H4C2: variants seen among roughly 807,000 people sequenced by gnomAD.
H4C2 encodes H4 clustered histone 2.
H4C2 carries 8 observed loss-of-function variants against 5.0 expected under a neutral mutation model. The ratio of observed to expected loss-of-function variants is 1.61; its 90% CI spans 0.94 to 2.90. The LOEUF (loss-of-function observed/expected upper bound fraction) is 2.90, where lower values mean the gene tolerates loss of function less well. Among genes scored for constraint, H4C2 ranks in the 30% most tolerant of loss-of-function variants. The probability of loss-of-function intolerance (pLI) is 0.00; values close to 1 mark genes in which losing one functional copy is unlikely to be tolerated. For synonymous variants in H4C2, 145 were observed against 54.0 expected, an observed-to-expected ratio of 2.69 and a Z score of -7.39; for missense variants, 267 against 145.6, an observed-to-expected ratio of 1.83 and a Z score of -4.29.
chr6:26,026,980 G>C lies in H4C2; in HGVS notation c.273C>G (p.Leu91=), dbSNP rs747613531. The C allele has an allele frequency of 2.5e-6, 4 of 1,614,080 alleles. No homozygotes were observed. Among genetic ancestry groups the C allele is most frequent in the Non-Finnish European group, 3.4e-6 (4 of 1,179,912 alleles). The part of the protein sequence containing the change: ...TVTAMDVVYA[L]KRQGRTLYGF... ...CGTACAGAGTGCGTCCTTGACGCTT[G>C]AGCGCGTAAACCACATCCATGGCAG... Residue 91 remains leucine, a synonymous_variant, in exon 1 of 1, where the codon CTC becomes CTG. Coordinates refer to ENST00000377745, the MANE Select transcript of H4C2 (RefSeq NM_003544.3).
In H4C2 at chr6:26,027,001, G is replaced by T. The variant is rs200017457; in HGVS notation, c.252C>A (p.Ala84=). Residue 84 remains alanine, a synonymous_variant, in exon 1 of 1, where the codon GCC becomes GCA. Coordinates refer to ENST00000377745, the MANE Select transcript of H4C2 (RefSeq NM_003544.3). ...TEHAKRKTVT[A]MDVVYALKRQ... Reference sequence around the variant, plus strand: ...GCTTGAGCGCGTAAACCACATCCATGGCAGTGACAGTCTTGCGCTTGGCGT... The same window carrying T: ...GCTTGAGCGCGTAAACCACATCCATTGCAGTGACAGTCTTGCGCTTGGCGT... The T allele has an allele frequency of 6.2e-7, 1 of 1,614,182 alleles. No homozygotes were observed. Among genetic ancestry groups the T allele is most frequent in the South Asian group, 1.1e-5 (1 of 91,088 alleles).
In H4C2 at chr6:26,027,103, C is replaced by G. The variant is rs369387838; in HGVS notation, c.150G>C (p.Leu50Phe). Residue 50 changes from leucine (L) to phenylalanine (F), a missense_variant, in exon 1 of 1, where the codon TTG becomes TTC. Coordinates refer to ENST00000377745, the MANE Select transcript of H4C2 (RefSeq NM_003544.3). ...RRGGVKRISG[L>F]IYEETRGVLK... The stretch of plus-strand genomic sequence containing the variant: ...GAACGCCACGAGTCTCCTCATAAAT[C>G]AAACCGGAAATTCGCTTAACCCCAC... 2.5e-6 allele frequency: 4 copies of G among 1,614,200 alleles called. No individual in the cohort carries two copies. The highest frequency in any genetic ancestry group is 1.6e-4 in the Middle Eastern group (1 of 6,062).
rs1581631161 is a variant in H4C2 at position 26,026,971 on chromosome 6, T to C, written c.282A>G (p.Gln94=). 1.2e-6 allele frequency: 2 copies of C among 1,613,912 alleles called. No individual in the cohort carries two copies. The highest frequency in any genetic ancestry group is 1.7e-6 in the Non-Finnish European group (2 of 1,179,796). ...CGCCGAAGCCGTACAGAGTGCGTCC[T>C]TGACGCTTGAGCGCGTAAACCACAT... The part of the protein sequence containing the change: ...AMDVVYALKR[Q]GRTLYGFGG The change falls in exon 1 of 1, where the codon CAA becomes CAG. Residue 94 remains glutamine (Q), a synonymous_variant. Transcript: ENST00000377745.
In H4C2 at chr6:26,027,007, G is replaced by A. The variant is rs370581694; in HGVS notation, c.246C>T (p.Val82=). 6.8e-6 allele frequency: 11 copies of A among 1,614,072 alleles called. No individual in the cohort carries two copies. Among genetic ancestry groups the A allele is most frequent in the African/African-American group, 1.3e-5 (1 of 74,940 alleles). Residue 82 remains valine (V), a synonymous_variant, in exon 1 of 1, where the codon GTC becomes GTT. Transcript: ENST00000377745. ...TYTEHAKRKT[V]TAMDVVYALK... is the part of the protein sequence containing the mutation. ...GCGCGTAAACCACATCCATGGCAGT[G>A]ACAGTCTTGCGCTTGGCGTGCTCCG...
At position 26,027,190 on chromosome 6, in the gene H4C2, T is replaced by TA. The variant is rs1491351754; in HGVS notation, c.62_63insT (p.Lys21AsnfsTer6). 4 of 1,613,970 alleles carry TA rather than the reference T, an allele frequency of 2.5e-6. No individual in the cohort carries two copies. The East Asian group carries it at 6.7e-5, about 27-fold the overall frequency. ...TGCCTTGGATGTTATCCCGCAGCACTTTTCGGTGACGCTTGGCACCTCCCT... is the reference window on the plus strand; with the variant it reads ...TGCCTTGGATGTTATCCCGCAGCACTATTTCGGTGACGCTTGGCACCTCCCT... On this transcript the variant is annotated frameshift_variant, in exon 1 of 1. Coordinates refer to ENST00000377745, the MANE Select transcript of H4C2 (RefSeq NM_003544.3). LOFTEE classifies it high-confidence loss of function.
rs142030763 is a variant in H4C2, at chr6:26,027,160, G to A, written c.93C>T (p.Thr31=). 52 of 1,614,108 alleles carry A rather than the reference G, an allele frequency of 3.2e-5. No homozygotes were observed. The highest frequency in any genetic ancestry group is 5.5e-5 in the South Asian group (5 of 91,090). ...TAGCAAGGCGCCGAATGGCCGGTTT[G>A]GTGATGCCTTGGATGTTATCCCGCA... The part of the protein sequence containing the change: ...KVLRDNIQGI[T]KPAIRRLARR... Residue 31 remains threonine (T), a synonymous_variant, in exon 1 of 1, where the codon ACC becomes ACT. Transcript: ENST00000377745.
Position 26,026,927 on chromosome 6 carries a change from A to C in H4C2, c.*14T>G. ...GCCCTGAAAAGGGCCATTGGAAGAA[A>C]ACTGACGAAAAGATTAACCGCCGAA... On this transcript the variant is annotated 3_prime_UTR_variant, in exon 1 of 1. Coordinates refer to ENST00000377745, the MANE Select transcript of H4C2 (RefSeq NM_003544.3). 2 of 1,596,138 alleles carry C rather than the reference A, an allele frequency of 1.3e-6. No homozygotes were observed. The highest frequency in any genetic ancestry group is 1.7e-6 in the Non-Finnish European group (2 of 1,169,564).
chr6:26,027,152 G>A lies in H4C2; in HGVS notation c.101C>T (p.Ala34Val), dbSNP rs200478043. 1.6e-5 allele frequency: 26 copies of A among 1,614,118 alleles called. No homozygotes were observed. Among genetic ancestry groups the A allele is most frequent in the Non-Finnish European group, 1.7e-5 (20 of 1,180,050 alleles). Residue 34 changes from alanine to valine, a missense_variant, in exon 1 of 1, where the codon GCC (alanine) becomes GTC (valine). Transcript: ENST00000377745. Reference protein sequence around the residue: ...RDNIQGITKPAIRRLARRGGV... With the variant: ...RDNIQGITKPVIRRLARRGGV... ...ACCACGCCTAGCAAGGCGCCGAATG[G>A]CCGGTTTGGTGATGCCTTGGATGTT...
At position 26,026,941 on chromosome 6, in the gene H4C2, T is replaced by C; in HGVS notation, c.312A>G (p.Ter104=). The C allele has an allele frequency of 7.5e-6, 12 of 1,605,494 alleles. No homozygotes were observed. Among genetic ancestry groups the C allele is most frequent in the Non-Finnish European group, 1.0e-5 (12 of 1,174,802 alleles). ...CATTGGAAGAAAACTGACGAAAAGA[T>C]TAACCGCCGAAGCCGTACAGAGTGC... ...QGRTLYGFGG[*] Residue 104 remains the stop codon, a stop_retained_variant, in exon 1 of 1, where the codon TAA becomes TAG. Coordinates refer to ENST00000377745, the MANE Select transcript of H4C2 (RefSeq NM_003544.3).
rs553183619 is a variant in H4C2 at position 26,027,087 on chromosome 6, G to A, written c.166C>T (p.Arg56Cys). ...TCCAGAAACACCTTGAGAACGCCAC[G>A]AGTCTCCTCATAAATCAAACCGGAA... ...RISGLIYEET[R>C]GVLKVFLENV... is the part of the protein sequence containing the mutation. Residue 56 changes from arginine to cysteine, a missense_variant, in exon 1 of 1, where the codon CGT (arginine) becomes TGT (cysteine). Arg to Cys is a radical substitution (Grantham distance 180). Transcript: ENST00000377745. 4.8e-5 allele frequency: 77 copies of A among 1,614,070 alleles called. No homozygotes were observed. Among genetic ancestry groups the A allele is most frequent in the Middle Eastern group, 1.6e-4 (1 of 6,084 alleles).
rs756457842 is a variant in H4C2, at chr6:26,027,014, T to C, written c.239A>G (p.Lys80Arg). The C allele has an allele frequency of 4.3e-6, 7 of 1,614,074 alleles. No homozygotes were observed. In the African/African-American group the frequency reaches 5.3e-5, roughly 12 times the overall value. The stretch of plus-strand genomic sequence containing the variant: ...AACCACATCCATGGCAGTGACAGTC[T>C]TGCGCTTGGCGTGCTCCGTGTAGGT... ...AVTYTEHAKR[K>R]TVTAMDVVYA... Residue 80 changes from lysine (K) to arginine (R), a missense_variant, in exon 1 of 1, where the codon AAG (lysine) becomes AGG (arginine). By Grantham distance (26) the Lys-to-Arg change is conservative (BLOSUM62 2). Transcript: ENST00000377745.
Position 26,027,059 on chromosome 6 carries a change from T to C in H4C2, c.194A>G (p.Asn65Ser), listed in dbSNP as rs745857495. ...GTAGGTCACGGCGTCCCGGATCACG[T>C]TCTCCAGAAACACCTTGAGAACGCC... ...TRGVLKVFLE[N>S]VIRDAVTYTE... The change falls in exon 1 of 1, where the codon AAC becomes AGC. Residue 65 changes from asparagine (N) to serine (S), a missense_variant. Physicochemically the swap from Asn to Ser is conservative, Grantham distance 46 (BLOSUM62 1). Coordinates refer to ENST00000377745, the MANE Select transcript of H4C2 (RefSeq NM_003544.3). The C allele has an allele frequency of 1.2e-6, 2 of 1,613,702 alleles. No individual in the cohort carries two copies. The highest frequency in any genetic ancestry group is 1.1e-5 in the South Asian group (1 of 91,042).
chr6:26,027,181 C>T lies in H4C2; in HGVS notation c.72G>A (p.Arg24=), dbSNP rs748119687. Residue 24 remains arginine (R), a synonymous_variant, in exon 1 of 1, where the codon CGG becomes CGA. Coordinates refer to ENST00000377745, the MANE Select transcript of H4C2 (RefSeq NM_003544.3). The part of the protein sequence containing the change: ...GGAKRHRKVL[R]DNIQGITKPA... The stretch of plus-strand genomic sequence containing the variant: ...GTTTGGTGATGCCTTGGATGTTATC[C>T]CGCAGCACTTTTCGGTGACGCTTGG... 22 of 1,614,078 alleles carry T rather than the reference C, an allele frequency of 1.4e-5. No homozygotes were observed. The highest frequency in any genetic ancestry group is 6.6e-5 in the South Asian group (6 of 91,088).
rs1761350419 is a variant in H4C2 at position 26,027,065 on chromosome 6, A to AT, written c.187_188insA (p.Leu63HisfsTer?). The AT allele has an allele frequency of 3.1e-6, 5 of 1,614,202 alleles. No homozygotes were observed. Among genetic ancestry groups the AT allele is most frequent in the Non-Finnish European group, 4.2e-6 (5 of 1,180,022 alleles). On this transcript the variant is annotated frameshift_variant, in exon 1 of 1. Coordinates refer to ENST00000377745, the MANE Select transcript of H4C2 (RefSeq NM_003544.3). LOFTEE classifies it high-confidence loss of function. ...CACGGCGTCCCGGATCACGTTCTCC[A>AT]GAAACACCTTGAGAACGCCACGAGT...
rs1031808362 is a variant in H4C2 at position 26,027,080 on chromosome 6, A to C, written c.173T>G (p.Val58Gly). Reference protein sequence around the residue: ...SGLIYEETRGVLKVFLENVIR... With the variant: ...SGLIYEETRGGLKVFLENVIR... ...CACGTTCTCCAGAAACACCTTGAGA[A>C]CGCCACGAGTCTCCTCATAAATCAA... Residue 58 changes from valine to glycine, a missense_variant, in exon 1 of 1, where the codon GTT becomes GGT. Physicochemically the swap from Val to Gly is moderately radical, Grantham distance 109. Coordinates refer to ENST00000377745, the MANE Select transcript of H4C2 (RefSeq NM_003544.3). 6 of 1,614,160 alleles carry C rather than the reference A, an allele frequency of 3.7e-6. No homozygotes were observed. Among genetic ancestry groups the C allele is most frequent in the Non-Finnish European group, 5.1e-6 (6 of 1,180,006 alleles).
rs560733180 is a variant in H4C2 at position 26,027,233 on chromosome 6, C to G, written c.20G>C (p.Gly7Ala). Reference protein sequence around the residue: MSGRGKGGKGLGKGGAK... With the variant: MSGRGKAGKGLGKGGAK... ...ACCTCCCTTACCCAAACCTTTACCG[C>G]CTTTGCCGCGACCAGACATGTCTAA... The change falls in exon 1 of 1, where the codon GGC becomes GCC. Residue 7 changes from glycine to alanine, a missense_variant. Gly to Ala is a moderately conservative substitution (Grantham distance 60, BLOSUM62 0). Transcript: ENST00000377745. The G allele has an allele frequency of 1.5e-5, 24 of 1,605,818 alleles. No individual in the cohort carries two copies. Among genetic ancestry groups the G allele is most frequent in the Middle Eastern group, 1.7e-4 (1 of 6,038 alleles).
chr6:26,027,221 A>C lies in H4C2; in HGVS notation c.32T>G (p.Leu11Trp), dbSNP rs757142938. The change falls in exon 1 of 1, where the codon TTG becomes TGG. Residue 11 changes from leucine (L) to tryptophan (W), a missense_variant. Physicochemically the swap from Leu to Trp is moderately conservative, Grantham distance 61. Transcript: ENST00000377745. MSGRGKGGKG[L>W]GKGGAKRHRK... ...GTGACGCTTGGCACCTCCCTTACCC[A>C]AACCTTTACCGCCTTTGCCGCGACC... 1.2e-6 allele frequency: 2 copies of C among 1,609,470 alleles called. No individual in the cohort carries two copies. Among genetic ancestry groups the C allele is most frequent in the Non-Finnish European group, 1.7e-6 (2 of 1,176,016 alleles).
rs1761345757 is a variant in H4C2, at chr6:26,026,992, C to A, written c.261G>T (p.Val87=). The A allele has an allele frequency of 6.2e-7, 1 of 1,614,150 alleles. No homozygotes were observed. Among genetic ancestry groups the A allele is most frequent in the African/African-American group, 1.3e-5 (1 of 75,054 alleles). The change falls in exon 1 of 1, where the codon GTG becomes GTT. Residue 87 remains valine (V), a synonymous_variant. Coordinates refer to ENST00000377745, the MANE Select transcript of H4C2 (RefSeq NM_003544.3). ...AKRKTVTAMD[V]VYALKRQGRT... ...GTCCTTGACGCTTGAGCGCGTAAAC[C>A]ACATCCATGGCAGTGACAGTCTTGC...
chr6:26,027,268 A>T lies in H4C2; in HGVS notation c.-16T>A. On this transcript the variant is annotated 5_prime_UTR_variant, in exon 1 of 1. Transcript: ENST00000377745. The stretch of plus-strand genomic sequence containing the variant: ...GACCAGACATGTCTAACCAGCTGAC[A>T]ACAAAAACCAGGTACGCGAAAAGAA... 6.3e-7 allele frequency: 1 copy of T among 1,584,886 alleles called. No individual in the cohort carries two copies.
Sources: gnomAD v4.1 joint callset for allele counts on GRCh38, gnomAD v4.1.1 for gene constraint, MANE v1.5 for transcripts, NCBI Gene and HGNC (gene_info 2026-07-23, HGNC 2026-07-21) for gene names.